ZGPAT: variants seen among roughly 807,000 people sequenced by gnomAD.
ZGPAT encodes zinc finger CCCH-type with G patch domain-containing protein.
ZGPAT carries 39 observed loss-of-function variants against 47.9 expected under a neutral mutation model. That is an observed-to-expected ratio of 0.81 (90% CI 0.63 to 1.06). The LOEUF is 1.06. ZGPAT is among the 50% of genes least tolerant of loss of function. The pLI is 0.00. For missense variants in ZGPAT, 717 were observed against 681.4 expected (o/e 1.05, Z -0.58); for synonymous variants, 348 against 292.9 (o/e 1.19, Z -1.92).
chr20:63,732,673 C>T (rs1340380571), intron 2 of ZGPAT, among the ~76,000 whole-genome samples: 2 of 71,272 alleles, frequency 2.8e-5, no homozygotes, highest in East Asian at 2.4e-4. Flanking sequence ...TGTGTATATG[C>T]CTGTGTGCAT....
At chr20:63,732,275 G>T (rs1332584889) in intron 2 of ZGPAT, among the ~76,000 whole-genome samples, 1 of 128,556 alleles carries the variant, frequency 7.8e-6, no homozygotes, top group Non-Finnish European at 1.7e-5. Flanking sequence ...GGTCGCATGT[G>T]TGTGGGTGAG....
At position 63,735,779 on chromosome 20, in the gene ZGPAT, A is replaced by ACCAGTCCAGCAAACCAGGTCTCG. The variant is rs2091983352; in HGVS notation, c.1398-2_1398-1insCCAGTCCAGCAAACCAGGTCTCG. 1 of 1,597,876 alleles carries ACCAGTCCAGCAAACCAGGTCTCG rather than the reference A, an allele frequency of 6.3e-7. No homozygotes were observed. Among genetic ancestry groups the ACCAGTCCAGCAAACCAGGTCTCG allele is most frequent in the Admixed American group, 1.7e-5 (1 of 57,152 alleles). ...CACGCTGACTAGTGAGCCCCTCCGC[A>ACCAGTCCAGCAAACCAGGTCTCG]GGCATAGCGTGGCGTCAGCCCAGCT... On this transcript the variant is annotated splice_acceptor_variant, in intron 6 of 6. Transcript: ENST00000355969. LOFTEE classifies it high-confidence loss of function.
intron 1 of ZGPAT, 83 bp from the exon 2 acceptor site, chr20:63,708,470 G>A (rs948997647): frequency 1.6e-4 from 157 of 980,116 alleles, no homozygotes; most frequent in Non-Finnish European, 2.1e-4. Context: ...CGAGGGAAAG[G>A]GGACGTGCCC....
intron 2 of ZGPAT, among the ~76,000 whole-genome samples, chr20:63,714,329 G>C (rs118130858): frequency 0.016 from 2,371 of 150,888 alleles, 38 homozygotes; most frequent in Non-Finnish European, 0.02. Flanking sequence ...GAGAGGGTGA[G>C]ACATGAGAAT....
chr20:63,715,939 AAC>A (rs1197955250), intron 2 of ZGPAT, among the ~76,000 whole-genome samples: 1 of 152,228 alleles, frequency 6.6e-6, no homozygotes, highest in East Asian at 1.9e-4. Context: ...TGGAAGCTAA[AAC>A]GTATAACTGT....
chr20:63,730,970 C>CTCTCTCTCTCTCTG (rs1237935541), intron 2 of ZGPAT, among the ~76,000 whole-genome samples: 3 of 115,198 alleles, frequency 2.6e-5, no homozygotes, highest in East Asian at 4.7e-4. Context: ...CTCTCTCTCT[C>CTCTCTCTCTCTCTG]TGTGTGTGTG....
chr20:63,735,122 C>T, intron 5 of ZGPAT, 37 bp from the exon 6 acceptor site: 1 of 1,484,536 alleles, frequency 6.7e-7, no homozygotes, highest in Non-Finnish European at 8.9e-7. Context: ...TCCCGGGGTC[C>T]CGCAGCCACA....
intron 4 of ZGPAT, 121 bp from the exon 5 acceptor site, chr20:63,734,584 G>C (rs113775269): frequency 6.6e-7 from 1 of 1,520,540 alleles, no homozygotes; most frequent in Non-Finnish European, 8.8e-7. Context: ...GTCAAAGCCC[G>C]GGTCACCATG....
intron 2 of ZGPAT, among the ~76,000 whole-genome samples, chr20:63,728,225 A>G (rs563862253): frequency 6.6e-6 from 1 of 151,796 alleles, no homozygotes; most frequent in Non-Finnish European, 1.5e-5. Context: ...TTTAGTGGAG[A>G]TGAGGTTTAA....
At chr20:63,722,623 T>C (rs2091799747) in intron 2 of ZGPAT, among the ~76,000 whole-genome samples, 2 of 152,148 alleles carry the variant, frequency 1.3e-5, no homozygotes, top group African/African-American at 4.8e-5. Flanking sequence ...TATTACTAAC[T>C]TAACACTTAA....
intron 2 of ZGPAT, among the ~76,000 whole-genome samples, chr20:63,724,673 A>AT (rs34414685): frequency 0.68 from 93,722 of 137,156 alleles, 32,361 homozygotes; most frequent in South Asian, 0.73. Context: ...TTCATTTAGA[A>AT]TTTTTTTTTT....
At chr20:63,724,809 G>C (rs1402826062) in intron 2 of ZGPAT, among the ~76,000 whole-genome samples, 1 of 151,354 alleles carries the variant, frequency 6.6e-6, no homozygotes, top group African/African-American at 2.4e-5. Flanking sequence ...AAGTAGCTGA[G>C]ACTGCAGGCA....
intron 2 of ZGPAT, among the ~76,000 whole-genome samples, chr20:63,724,997 T>A (rs1412373369): frequency 6.6e-6 from 1 of 151,060 alleles, no homozygotes; most frequent in Non-Finnish European, 1.5e-5. Flanking sequence ...TTTTTTTTTT[T>A]TTTTGAGATG....
chr20:63,732,377 CGCGCATGTGTGTGG>C (rs1287990081), intron 2 of ZGPAT, among the ~76,000 whole-genome samples: 1 of 130,654 alleles, frequency 7.7e-6, no homozygotes, highest in Non-Finnish European at 1.6e-5. Context: ...GGTGTGTGTG[CGCGCATGTGTGTGG>C]GTGAGGGCCT....
At chr20:63,725,902 G>A (rs952174064) in intron 2 of ZGPAT, among the ~76,000 whole-genome samples, 4 of 150,988 alleles carry the variant, frequency 2.6e-5, no homozygotes, top group Admixed American at 6.6e-5. Flanking sequence ...GCGCGATTTC[G>A]GCTCACTGCA....
rs773992704 is a variant in ZGPAT, at chr20:63,735,341, C to A, written c.1174C>A (p.Arg392=). 5 of 1,551,964 alleles carry A rather than the reference C, an allele frequency of 3.2e-6. No homozygotes were observed. In the African/African-American group the frequency reaches 6.9e-5, roughly 21 times the overall value. Residue 392 remains arginine (R), a synonymous_variant, in exon 6 of 7, where the codon CGG becomes AGG. Transcript: ENST00000355969. The part of the protein sequence containing the change: ...GARPGGRPAP[R]NVFDFLNEKL... ...CAGGCCTGGGGGCCGCCCAGCTCCTCGGAATGTGTTTGACTTCCTCAATGA... is the reference window on the plus strand; with the variant it reads ...CAGGCCTGGGGGCCGCCCAGCTCCTAGGAATGTGTTTGACTTCCTCAATGA...
At chr20:63,713,609 G>T (rs1483511986) in intron 2 of ZGPAT, among the ~76,000 whole-genome samples, 1 of 150,364 alleles carries the variant, frequency 6.7e-6, no homozygotes, top group Non-Finnish European at 1.5e-5. Context: ...CGTGGCTCAC[G>T]CCTGTAATCC....
At chr20:63,735,684 T>C in intron 6 of ZGPAT, 97 bp from the exon 7 acceptor site, 1 of 1,529,342 alleles carries the variant, frequency 6.5e-7, no homozygotes, top group South Asian at 1.2e-5. Flanking sequence ...GTCTGCATGT[T>C]GGAGGACGGG....
At chr20:63,714,117 C>A (rs1006430049) in intron 2 of ZGPAT, among the ~76,000 whole-genome samples, 1 of 151,750 alleles carries the variant, frequency 6.6e-6, no homozygotes, top group East Asian at 1.9e-4. Flanking sequence ...ACTTCAAGTA[C>A]AATGTTGAAT....
Sources: allele counts gnomAD v4.1 joint callset (sites outside exome capture counted in the v4.1 genomes callset), GRCh38; gene constraint gnomAD v4.1.1; transcripts MANE v1.5; gene names NCBI Gene and HGNC (gene_info 2026-07-23, HGNC 2026-07-21).